TET1: variants seen among roughly 807,000 people sequenced by gnomAD.
The protein encoded by TET1 is tet methylcytosine dioxygenase 1, also known as methylcytosine dioxygenase TET1.
TET1 carries 13 observed loss-of-function variants against 148.7 expected under a neutral mutation model. The ratio of observed to expected loss-of-function variants is 0.09; its 90% CI spans 0.06 to 0.14. The LOEUF is 0.14. TET1 is among the 10% of genes least tolerant of loss of function. The pLI is 1.00. For missense variants in TET1, 2,182 were observed against 2,553.8 expected (o/e 0.85, Z 3.14); for synonymous variants, 907 against 937.2 (o/e 0.97, Z 0.59).
chr10:68,575,187 G>C (rs57523358), intron 2 of TET1, among the ~76,000 whole-genome samples: 45,096 of 151,812 alleles, frequency 0.3, 7,835 homozygotes, highest in Middle Eastern at 0.42. Context: ...AGTTTGGGAC[G>C]AGCCTGGCTG....
chr10:68,623,222 C>T (rs960291001), intron 3 of TET1, among the ~76,000 whole-genome samples: 1 of 152,162 alleles, frequency 6.6e-6, no homozygotes, highest in Non-Finnish European at 1.5e-5. Flanking sequence ...ACCATTCCTT[C>T]TACATCTATT....
chr10:68,686,562 T>A lies in TET1; in HGVS notation c.5259T>A (p.Arg1753=). 6.2e-7 allele frequency: 1 copy of A among 1,614,068 alleles called. No homozygotes were observed. The highest frequency in any genetic ancestry group is 1.3e-5 in the African/African-American group (1 of 74,994). Residue 1753 remains arginine, a synonymous_variant, in exon 11 of 12, where the codon CGT becomes CGA. Transcript: ENST00000373644. ...KRTCFTQPVP[R]SGKKRAAMMT... The stretch of plus-strand genomic sequence containing the variant: ...CGTGTTTCACTCAGCCTGTTCCCCG[T>A]TCTGGAAAGAAGAGGGCTGCGATGA...
intron 3 of TET1, chr10:68,632,781 A>G (rs945641593): frequency 1.4e-6 from 2 of 1,401,612 alleles, no homozygotes. Context: ...GATCAACCAC[A>G]TAAAACATTT....
chr10:68,580,797 A>ATATATAT (rs1431291059), intron 2 of TET1, among the ~76,000 whole-genome samples: 1 of 128,384 alleles, frequency 7.8e-6, no homozygotes, highest in African/African-American at 2.8e-5. Context: ...AAAAAAAAAA[A>ATATATAT]AAAAAAAAAT....
Position 68,623,443 on chromosome 10 carries a change from T to C in TET1, c.1969-21255T>C, listed in dbSNP as rs115300679. Among the ~76,000 whole-genome samples, 382 of 152,324 alleles carry C rather than the reference T, an allele frequency of 2.5e-3. 3 individuals are homozygous for C. The highest frequency in any genetic ancestry group is 9.0e-3 in the African/African-American group (375 of 41,566). ...CTACATACTGTTTCGAGGTAGTTAG[T>C]TTCCTGTTGCTTTGGATACTTGGCA... is the stretch of plus-strand genomic sequence containing the variant. On this transcript the variant is annotated intron_variant, in intron 3 of 11. Coordinates refer to ENST00000373644, the MANE Select transcript of TET1 (RefSeq NM_030625.3).
At chr10:68,651,966 A>C (rs768738397) in intron 5 of TET1, 30 bp downstream of exon 5, 5 of 1,567,896 alleles carry the variant, frequency 3.2e-6, no homozygotes, top group Middle Eastern at 1.7e-4. Flanking sequence ...TGTTAAAATC[A>C]TTCTTACTGT....
chr10:68,624,646 TTCTTTCTTTCTTTCTCTCTCTCTCTC>T (rs1406094462), intron 3 of TET1, among the ~76,000 whole-genome samples: 24 of 54,058 alleles, frequency 4.4e-4, no homozygotes, highest in African/African-American at 2.1e-3. Context: ...CTTTCTTTCT[TTCTTTCTTTCTTTCTCTCTCTCTCTC>T]TCTCTCTCTC....
At position 68,572,447 on chromosome 10, in the gene TET1, A is replaced by T. The variant is rs1482188643; in HGVS notation, c.109A>T (p.Asn37Tyr). 1 of 1,614,052 alleles carries T rather than the reference A, an allele frequency of 6.2e-7. No individual in the cohort carries two copies. The highest frequency in any genetic ancestry group is 8.5e-7 in the Non-Finnish European group (1 of 1,180,032). Reference sequence around the variant, plus strand: ...AAAGACAACCAAGGGAGCCAACAAAAATGTGGCATCAGTCAAGACTTTAAG... The same window carrying T: ...AAAGACAACCAAGGGAGCCAACAAATATGTGGCATCAGTCAAGACTTTAAG... The part of the protein sequence containing the change: ...LRKTTKGANK[N>Y]VASVKTLSPG... Residue 37 changes from asparagine to tyrosine, a missense_variant, in exon 2 of 12, where the codon AAT (asparagine) becomes TAT (tyrosine). Asn to Tyr is a moderately radical substitution (Grantham distance 143). This residue lies in a region of TET1 where 665 missense variants were observed against 672.4 expected (regional missense o/e 0.99). Coordinates refer to ENST00000373644, the MANE Select transcript of TET1 (RefSeq NM_030625.3).
chr10:68,676,726 T>C (rs114799653), intron 8 of TET1, among the ~76,000 whole-genome samples: 1,761 of 152,268 alleles, frequency 0.012, 37 homozygotes, highest in African/African-American at 0.04. Flanking sequence ...ACATCAATTT[T>C]TGAGGAAACA....
chr10:68,593,954 C>T (rs1007637031), intron 2 of TET1, among the ~76,000 whole-genome samples: 2 of 97,454 alleles, frequency 2.1e-5, no homozygotes, highest in African/African-American at 7.8e-5. Flanking sequence ...GAGACAGAGT[C>T]TCTCTCTGTT....
chr10:68,622,781 G>A (rs1459800440), intron 3 of TET1, among the ~76,000 whole-genome samples: 1 of 151,924 alleles, frequency 6.6e-6, no homozygotes, highest in Non-Finnish European at 1.5e-5. Context: ...GTCTCGCCGT[G>A]TTGTCCAGAT....
intron 3 of TET1, among the ~76,000 whole-genome samples, chr10:68,633,333 G>GT (rs1423500940): frequency 2.7e-5 from 4 of 150,236 alleles, no homozygotes; most frequent in East Asian, 2.0e-4. Context: ...CTTTTAATTT[G>GT]TTTTTTTAAA....
intron 3 of TET1, among the ~76,000 whole-genome samples, chr10:68,616,576 C>T (rs2054292878): frequency 6.6e-6 from 1 of 152,048 alleles, no homozygotes; most frequent in African/African-American, 2.4e-5. Flanking sequence ...CTCACTCTCA[C>T]CCTGGCGGGA....
intron 3 of TET1, chr10:68,632,684 A>G (rs989071388): frequency 6.2e-7 from 1 of 1,608,022 alleles, no homozygotes; most frequent in African/African-American, 1.3e-5. Context: ...GAAGGTACCC[A>G]CCTCGATCCT....
chr10:68,685,761 A>G (rs2055500039), intron 10 of TET1, among the ~76,000 whole-genome samples: 1 of 152,136 alleles, frequency 6.6e-6, no homozygotes, highest in African/African-American at 2.4e-5. Context: ...TATCCAAAGA[A>G]AGGCAAATTT....
At position 68,644,901 on chromosome 10, in the gene TET1, A is replaced by G; in HGVS notation, c.2172A>G (p.Gly724=). ...CACAGTTAACTGATCACGTGAAAGG[A>G]GATTTTAGTGCTAATGTCCCAGAAG... ...KKSQLTDHVK[G]DFSANVPEAE... is the part of the protein sequence containing the mutation. Residue 724 remains glycine, a synonymous_variant, in exon 4 of 12, where the codon GGA becomes GGG. Transcript: ENST00000373644. The G allele has an allele frequency of 6.2e-7, 1 of 1,612,312 alleles. No individual in the cohort carries two copies. The highest frequency in any genetic ancestry group is 1.3e-5 in the African/African-American group (1 of 74,912).
chr10:68,646,378 AC>A lies in TET1; in HGVS notation c.3651del (p.Ile1219TyrfsTer24). On this transcript the variant is annotated frameshift_variant, in exon 4 of 12. Transcript: ENST00000373644. LOFTEE classifies it high-confidence loss of function. ...PTVFGKISSS[T>X]KIWKPLAQTR... ...TGTATTTGGGAAAATTTCTTCCTCG[AC>A]CAAAATATGGAAACCACTGGCTCAA... 1 of 1,614,152 alleles carries A rather than the reference AC, an allele frequency of 6.2e-7. No homozygotes were observed. The highest frequency in any genetic ancestry group is 8.5e-7 in the Non-Finnish European group (1 of 1,180,030).
At position 68,646,707 on chromosome 10, in the gene TET1, G is replaced by A; in HGVS notation, c.3978G>A (p.Lys1326=). The A allele has an allele frequency of 6.2e-7, 1 of 1,614,150 alleles. No individual in the cohort carries two copies. Among genetic ancestry groups the A allele is most frequent in the Non-Finnish European group, 8.5e-7 (1 of 1,180,034 alleles). ...DDQIRFQQVV[K]EQLMHQRLPT... ...AAATACGGTTTCAGCAGGTTGTTAA[G>A]GAGCAACTCATGCATCAGAGACTGC... Residue 1326 remains lysine, a synonymous_variant, in exon 4 of 12, where the codon AAG becomes AAA. Transcript: ENST00000373644.
chr10:68,633,631 A>G (rs1242672398), intron 3 of TET1, among the ~76,000 whole-genome samples: 1 of 151,950 alleles, frequency 6.6e-6, no homozygotes, highest in African/African-American at 2.4e-5. Flanking sequence ...GTTTCACCAT[A>G]TTGAAGGTGA....
Sources: gnomAD v4.1 joint callset for allele counts (sites outside exome capture counted in the v4.1 genomes callset) on GRCh38, gnomAD v4.1.1 for gene constraint, gnomAD v4.1.1 regional missense constraint, MANE v1.5 for transcripts, NCBI Gene and HGNC (gene_info 2026-07-23, HGNC 2026-07-21) for gene names.